Variants in SFTPD observed in about 807,000 individuals in gnomAD.
The protein encoded by SFTPD is surfactant protein D.
In SFTPD, 18 loss-of-function variants were observed where a neutral mutation model predicts 34.6. That is an observed-to-expected ratio of 0.52 (90% CI 0.36 to 0.77). The LOEUF (loss-of-function observed/expected upper bound fraction) is 0.77, where lower values mean the gene tolerates loss of function less well. Ranked by LOEUF, SFTPD falls within the 30% of genes least tolerant of loss-of-function variation. The probability of loss-of-function intolerance (pLI) is 0.00; values close to 1 mark genes in which losing one functional copy is unlikely to be tolerated. For synonymous variants in SFTPD, 155 were observed against 180.9 expected, an observed-to-expected ratio of 0.86 and a Z score of 1.15; for missense variants, 433 against 468.9, an observed-to-expected ratio of 0.92 and a Z score of 0.71.
intron 1 of SFTPD, among the ~76,000 whole-genome samples, chr10:79,960,698 A>G (rs1029021453): frequency 2.0e-5 from 3 of 152,142 alleles, no homozygotes; most frequent in Non-Finnish European, 2.9e-5. Flanking sequence ...AAGAATCAAT[A>G]TCGTGAAAAT....
intron 2 of SFTPD, among the ~76,000 whole-genome samples, 158 bp downstream of exon 2, chr10:79,946,303 A>G (rs575106631): frequency 4.8e-4 from 73 of 152,286 alleles, no homozygotes; most frequent in African/African-American, 1.6e-3. Flanking sequence ...CAGCACAGCC[A>G]CTTGTTTGCC....
At chr10:79,963,713 T>C (rs899886494) in intron 1 of SFTPD, among the ~76,000 whole-genome samples, 1 of 152,198 alleles carries the variant, frequency 6.6e-6, no homozygotes, top group African/African-American at 2.4e-5. Context: ...AGGAGCTTAT[T>C]ATATAGAGTG....
At chr10:79,965,343 A>C (rs2132517149) in intron 1 of SFTPD, among the ~76,000 whole-genome samples, 1 of 151,864 alleles carries the variant, frequency 6.6e-6, no homozygotes, top group Admixed American at 6.6e-5. Context: ...TATATGACAA[A>C]TGTTTCTTCT....
At chr10:79,940,394 T>G (rs1237938857) in intron 7 of SFTPD, among the ~76,000 whole-genome samples, 1 of 152,182 alleles carries the variant, frequency 6.6e-6, no homozygotes, top group Non-Finnish European at 1.5e-5. Flanking sequence ...TGGCCTTAAC[T>G]ATGCTACTGC....
intron 5 of SFTPD, 59 bp from the exon 6 acceptor site, chr10:79,941,573 C>A: frequency 7.6e-7 from 1 of 1,307,702 alleles, no homozygotes; most frequent in East Asian, 2.3e-5. Flanking sequence ...TTGTTTTTAG[C>A]ATTTTTACCT....
At position 79,941,462 on chromosome 10, in the gene SFTPD, CG is replaced by C; in HGVS notation, c.602del (p.Pro201ArgfsTer3). ...PQGSPGARGP[P>X]GLKGDKGIPG... ...GAATGCCTTTGTCCCCCTTCAATCC[CG>C]GGGGTCCCCTGGCACCTGGACTTCC... is the stretch of plus-strand genomic sequence containing the variant. On this transcript the variant is annotated frameshift_variant, in exon 6 of 8. Coordinates refer to ENST00000372292, the MANE Select transcript of SFTPD (RefSeq NM_003019.5). LOFTEE classifies it high-confidence loss of function. The C allele has an allele frequency of 1.2e-6, 2 of 1,613,140 alleles. No individual in the cohort carries two copies. The highest frequency in any genetic ancestry group is 1.7e-6 in the Non-Finnish European group (2 of 1,179,464).
At chr10:79,942,339 T>C (rs1424965884) in intron 4 of SFTPD, 49 bp downstream of exon 4, 1 of 1,299,828 alleles carries the variant, frequency 7.7e-7, no homozygotes, top group Admixed American at 1.7e-5. Flanking sequence ...CATGGACCCT[T>C]GTCCTTCCTC....
chr10:79,941,967 G>A lies in SFTPD; in HGVS notation c.537C>T (p.Asn179=), dbSNP rs17884760. 1.3e-4 allele frequency: 213 copies of A among 1,609,486 alleles called. No homozygotes were observed. The highest frequency in any genetic ancestry group is 1.7e-4 in the Middle Eastern group (1 of 6,002). Residue 179 remains asparagine (N), a synonymous_variant, in exon 5 of 8, where the codon AAC becomes AAT. Transcript: ENST00000372292. ...GVPGERGVPG[N]TGAAGSAGAM... ...TCCACTGCTCACCTGCTGCCCCTGT[G>A]TTTCCAGGGACTCCACGCTCACCAG...
intron 2 of SFTPD, among the ~76,000 whole-genome samples, chr10:79,945,826 C>T (rs879459411): frequency 1.3e-5 from 2 of 152,198 alleles, no homozygotes; most frequent in Non-Finnish European, 2.9e-5. Context: ...GCAGAGCCTT[C>T]GTCCTTTCCA....
chr10:79,945,817 C>T lies in SFTPD; in HGVS notation c.199+644G>A, dbSNP rs570294567. 6.6e-5 allele frequency among the ~76,000 whole-genome samples: 10 copies of T among 152,292 alleles called. No individual in the cohort carries two copies. The South Asian group carries it at 2.1e-3, about 32-fold the overall frequency. On this transcript the variant is annotated intron_variant, in intron 2 of 7. Transcript: ENST00000372292. ...AGATGGAGCCCAGGCCAGTCTGATG[C>T]AGAGCCTTCGTCCTTTCCACCTCCA...
intron 1 of SFTPD, among the ~76,000 whole-genome samples, chr10:79,946,985 T>G (rs1180839909): frequency 6.6e-6 from 1 of 152,212 alleles, no homozygotes; most frequent in Non-Finnish European, 1.5e-5. Flanking sequence ...CATTCCTCAC[T>G]GGGGCCATCT....
chr10:79,953,854 T>A (rs2132508784), upstream of SFTPD, among the ~76,000 whole-genome samples: 1 of 152,216 alleles, frequency 6.6e-6, no homozygotes, highest in East Asian at 1.9e-4. Context: ...TTTATTCTTT[T>A]TTTCTTTTTG....
At chr10:79,977,614 CT>C (rs1842870143) in intron 1 of SFTPD, among the ~76,000 whole-genome samples, 1 of 152,174 alleles carries the variant, frequency 6.6e-6, no homozygotes, top group Non-Finnish European at 1.5e-5. Flanking sequence ...ATATAAGGAA[CT>C]TGTGTTTTTC....
At chr10:79,961,103 C>T (rs1842769818) in intron 1 of SFTPD, among the ~76,000 whole-genome samples, 1 of 152,132 alleles carries the variant, frequency 6.6e-6, no homozygotes, top group African/African-American at 2.4e-5. Context: ...AAGTAGAAAG[C>T]TGAAACTGGA....
intron 2 of SFTPD, among the ~76,000 whole-genome samples, chr10:79,943,538 C>A (rs529234010): frequency 2.8e-4 from 42 of 152,240 alleles, no homozygotes; most frequent in African/African-American, 1.0e-3. Flanking sequence ...CAAGGAGAAT[C>A]GAGGGAGATT....
chr10:79,969,718 A>T, intron 1 of SFTPD: 1 of 149,748 alleles, frequency 6.7e-6, no homozygotes, highest in East Asian at 2.3e-4. Flanking sequence ...ATGTCTGTTC[A>T]GATCATTTCA....
At chr10:79,964,313 A>G (rs1170614933) in intron 1 of SFTPD, among the ~76,000 whole-genome samples, 2 of 152,194 alleles carry the variant, frequency 1.3e-5, no homozygotes, top group African/African-American at 2.4e-5. Context: ...CTTTACTTCC[A>G]AAGGAAACTG....
chr10:79,946,397 TG>T, intron 2 of SFTPD, 63 bp downstream of exon 2: 1 of 1,236,622 alleles, frequency 8.1e-7, no homozygotes, highest in Non-Finnish European at 1.2e-6. Context: ...CCAGAGTTGC[TG>T]GGCTAGTTAC....
chr10:79,939,190 G>C (rs1017842089), intron 7 of SFTPD, among the ~76,000 whole-genome samples: 2 of 152,218 alleles, frequency 1.3e-5, no homozygotes, highest in Non-Finnish European at 2.9e-5. Flanking sequence ...TGTGTGACAT[G>C]TCAAGTATCT....
Sources: gnomAD v4.1 joint callset for allele counts (sites outside exome capture counted in the v4.1 genomes callset) on GRCh38, gnomAD v4.1.1 for gene constraint, MANE v1.5 for transcripts, NCBI Gene and HGNC (gene_info 2026-07-23, HGNC 2026-07-21) for gene names.